PRP4K: variants seen among roughly 807,000 people sequenced by gnomAD.
PRP4K encodes pre-mRNA processing factor kinase PRP4K, also known as serine/threonine-protein kinase PRP4 homolog.
chr6:4,039,025 T>C, the PRP4K span, among the ~76,000 whole-genome samples: 8 of 152,130 alleles, frequency 5.3e-5, no homozygotes, highest in Non-Finnish European at 1.5e-5. Context: ...GTATTTTCTG[T>C]CTCTCAGACA....
chr6:4,054,019 C>T, the PRP4K span, among the ~76,000 whole-genome samples: 1 of 152,054 alleles, frequency 6.6e-6, no homozygotes, highest in Non-Finnish European at 1.5e-5. Context: ...AAGCAGTTCT[C>T]CTGCCTCCGC....
At chr6:4,028,892 A>G in the PRP4K span, among the ~76,000 whole-genome samples, 2 of 151,990 alleles carry the variant, frequency 1.3e-5, no homozygotes, top group African/African-American at 4.8e-5. Flanking sequence ...CTGGCTAGAC[A>G]ACGTACTTTT....
At chr6:4,027,823 A>C in the PRP4K span, among the ~76,000 whole-genome samples, 2 of 152,190 alleles carry the variant, frequency 1.3e-5, no homozygotes, top group African/African-American at 4.8e-5. Flanking sequence ...TTAACCACTC[A>C]GCTGTCCTTT....
the PRP4K span, chr6:4,056,559 C>T: frequency 6.3e-7 from 1 of 1,599,580 alleles, no homozygotes; most frequent in East Asian, 2.2e-5. Context: ...AGGAAGGGAA[C>T]CATAGCAAGT....
chr6:4,058,889 TAAAA>T, the PRP4K span: 3 of 1,120,272 alleles, frequency 2.7e-6, no homozygotes, highest in Non-Finnish European at 3.7e-6. Context: ...GCTGGTGAAT[TAAAA>T]AAAAAACAAA....
chr6:4,054,304 A>G, the PRP4K span, among the ~76,000 whole-genome samples: 5 of 151,864 alleles, frequency 3.3e-5, no homozygotes, highest in African/African-American at 4.8e-5. Flanking sequence ...CTTTTTTGTT[A>G]ATATCTTAAA....
At chr6:4,063,528 G>C in the PRP4K span, 1 of 152,124 alleles carries the variant, frequency 6.6e-6, no homozygotes, top group Non-Finnish European at 1.5e-5. Flanking sequence ...TTTAGTATCT[G>C]TTCCCCAACT....
At chr6:4,027,608 T>A in the PRP4K span, among the ~76,000 whole-genome samples, 2 of 30,938 alleles carry the variant, frequency 6.5e-5, no homozygotes, top group East Asian at 1.3e-3. Context: ...GGTGGGGGGG[T>A]GGGGTGGGGG....
the PRP4K span, among the ~76,000 whole-genome samples, chr6:4,021,964 G>C: frequency 6.6e-6 from 1 of 152,072 alleles, no homozygotes; most frequent in African/African-American, 2.4e-5. Context: ...GAGGTGCTGG[G>C]GTCACACTCT....
chr6:4,051,067 G>A, the PRP4K span, among the ~76,000 whole-genome samples: 7 of 151,406 alleles, frequency 4.6e-5, no homozygotes, highest in East Asian at 2.0e-4. Context: ...CCACCACCAC[G>A]CCCAGCTAAT....
At chr6:4,047,369 A>G in the PRP4K span, 53 of 854,218 alleles carry the variant, frequency 6.2e-5, no homozygotes, top group African/African-American at 8.8e-4. Context: ...GTGTGGGTGA[A>G]AGGAATCTGA....
At chr6:4,042,285 A>C in the PRP4K span, among the ~76,000 whole-genome samples, 1 of 152,206 alleles carries the variant, frequency 6.6e-6, no homozygotes, top group African/African-American at 2.4e-5. Context: ...GAAATAGATG[A>C]GAAGAAAACT....
the PRP4K span, chr6:4,032,042 C>A: frequency 6.2e-7 from 1 of 1,613,580 alleles, no homozygotes; most frequent in Non-Finnish European, 8.5e-7. Context: ...AACTTGTGGA[C>A]AATAAAATTA....
At chr6:4,030,793 C>T in the PRP4K span, among the ~76,000 whole-genome samples, 1 of 152,176 alleles carries the variant, frequency 6.6e-6, no homozygotes, top group Non-Finnish European at 1.5e-5. Context: ...TGTTGACTTA[C>T]AAAAGGCCCT....
At chr6:4,041,742 CCA>C in the PRP4K span, among the ~76,000 whole-genome samples, 2 of 151,922 alleles carry the variant, frequency 1.3e-5, no homozygotes, top group African/African-American at 2.4e-5. Flanking sequence ...GGATAACCCC[CCA>C]CACACACACA....
At chr6:4,053,899 G>GC in the PRP4K span, among the ~76,000 whole-genome samples, 3,241 of 100,660 alleles carry the variant, frequency 0.032, 116 homozygotes, top group African/African-American at 0.11. Context: ...TTTTTCTTTT[G>GC]TTTTTTTTGT....
chr6:4,034,692 C>A, the PRP4K span, among the ~76,000 whole-genome samples: 2 of 151,724 alleles, frequency 1.3e-5, no homozygotes, highest in African/African-American at 4.8e-5. Context: ...TTTTTATTTT[C>A]TTTATTTTTA....
chr6:4,045,878 G>A, the PRP4K span, among the ~76,000 whole-genome samples: 1 of 152,034 alleles, frequency 6.6e-6, no homozygotes, highest in African/African-American at 2.4e-5. Flanking sequence ...TTGTTTTTTA[G>A]GAATCATCTT....
chr6:4,027,383 C>T, the PRP4K span, among the ~76,000 whole-genome samples: 11 of 152,096 alleles, frequency 7.2e-5, no homozygotes, highest in Admixed American at 1.3e-4. Flanking sequence ...TTGAGGAAAC[C>T]GAGGCACAGA....
Sources: allele counts gnomAD v4.1 joint callset (sites outside exome capture counted in the v4.1 genomes callset), GRCh38; gene constraint gnomAD v4.1.1; transcripts MANE v1.5; gene names NCBI Gene and HGNC (gene_info 2026-07-23, HGNC 2026-07-21).